HPSE2: variants seen among roughly 807,000 people sequenced by gnomAD.
HPSE2 encodes the protein inactive heparanase-2.
A neutral mutation model predicts 60.5 loss-of-function variants in HPSE2; 38 were observed. The ratio of observed to expected loss-of-function variants is 0.63; its 90% CI spans 0.48 to 0.82. HPSE2 has a LOEUF of 0.82. Ranked by LOEUF, HPSE2 falls within the 40% of genes least tolerant of loss-of-function variation. The pLI is 0.00. For missense variants in HPSE2, 713 were observed against 740.4 expected, an observed-to-expected ratio of 0.96 and a Z score of 0.43; for synonymous variants, 295 against 293.2, an observed-to-expected ratio of 1.01 and a Z score of -0.06.
chr10:98,729,911 C>A (rs1565117917), intron 4 of HPSE2, among the ~76,000 whole-genome samples: 1 of 152,048 alleles, frequency 6.6e-6, no homozygotes, highest in Non-Finnish European at 1.5e-5. Context: ...GACTTCAACA[C>A]TACATTCTTA....
intron 6 of HPSE2, among the ~76,000 whole-genome samples, chr10:98,678,961 C>T (rs1420359132): frequency 6.6e-6 from 1 of 152,094 alleles, no homozygotes; most frequent in East Asian, 1.9e-4. Context: ...AAACCCAGGG[C>T]ATTAGCTCAC....
chr10:98,753,680 G>A lies in HPSE2; in HGVS notation c.611-9624C>T, dbSNP rs145153417. Among the ~76,000 whole-genome samples the A allele has an allele frequency of 6.8e-4, 103 of 152,262 alleles. No homozygotes were observed. In the East Asian group the frequency reaches 0.017, roughly 25 times the overall value. On this transcript the variant is annotated intron_variant, in intron 3 of 11. Transcript: ENST00000370552. The stretch of plus-strand genomic sequence containing the variant: ...CAGCAAGTGCTTAACCTTGGGGGCC[G>A]GAGGACAAAGCCTTGGGCCTGGTAC...
intron 3 of HPSE2, among the ~76,000 whole-genome samples, chr10:99,000,261 A>T (rs1305230575): frequency 1.3e-5 from 2 of 152,114 alleles, no homozygotes; most frequent in African/African-American, 4.8e-5. Context: ...AGAAGTAAGA[A>T]ATTTAGAAGA....
intron 3 of HPSE2, among the ~76,000 whole-genome samples, chr10:99,006,872 A>G (rs1956906686): frequency 6.6e-6 from 1 of 151,098 alleles, no homozygotes; most frequent in African/African-American, 2.4e-5. Context: ...GGGCTGCAGG[A>G]TTCTGTTTTG....
At chr10:99,264,416 C>A in the HPSE2 span, among the ~76,000 whole-genome samples, 8 of 152,114 alleles carry the variant, frequency 5.3e-5, no homozygotes, top group Non-Finnish European at 1.2e-4. Context: ...CCATCTTTAA[C>A]GAACAATTGC....
At chr10:98,899,638 C>T (rs369142114) in intron 3 of HPSE2, among the ~76,000 whole-genome samples, 3 of 151,704 alleles carry the variant, frequency 2.0e-5, no homozygotes, top group African/African-American at 7.3e-5. Context: ...ATTAAAATGG[C>T]TAAAAATAAA....
chr10:98,779,396 C>T (rs946674992), intron 3 of HPSE2, among the ~76,000 whole-genome samples: 3 of 152,028 alleles, frequency 2.0e-5, no homozygotes, highest in African/African-American at 7.2e-5. Context: ...GAGAAAGGAC[C>T]CCTCCCACAT....
rs537275115 is a variant in HPSE2, at chr10:99,153,604, A to C, written c.449-9205T>G. Among the ~76,000 whole-genome samples, 474 of 152,160 alleles carry C rather than the reference A, an allele frequency of 3.1e-3. 1 individual carries two copies. The highest frequency in any genetic ancestry group is 0.011 in the African/African-American group (445 of 41,550). ...ATCCACACCAAAAACCCATCTGTAC[A>C]TCACCATCATCAAAGACCAAAAGTA... On this transcript the variant is annotated intron_variant, in intron 2 of 11. Transcript: ENST00000370552.
At chr10:98,523,377 T>A (rs997545793) in intron 9 of HPSE2, among the ~76,000 whole-genome samples, 5 of 152,180 alleles carry the variant, frequency 3.3e-5, no homozygotes, top group African/African-American at 9.7e-5. Flanking sequence ...AAGAAAACAT[T>A]AGTTGATGAG....
intron 3 of HPSE2, among the ~76,000 whole-genome samples, chr10:99,018,336 G>A (rs1957187762): frequency 6.6e-6 from 1 of 152,148 alleles, no homozygotes; most frequent in East Asian, 1.9e-4. Context: ...TTTCAAGGCT[G>A]CCTAGAAAGA....
chr10:99,165,946 T>C (rs1240272301), intron 2 of HPSE2, among the ~76,000 whole-genome samples: 1 of 152,198 alleles, frequency 6.6e-6, no homozygotes, highest in East Asian at 1.9e-4. Context: ...TACCTTCCAT[T>C]ATCAACCCCT....
rs138154886 is a variant in HPSE2, at chr10:98,820,990, C to A, written c.611-76934G>T. 3.9e-5 allele frequency among the ~76,000 whole-genome samples: 6 copies of A among 152,288 alleles called. No individual in the cohort carries two copies. The East Asian group carries it at 1.2e-3, about 29-fold the overall frequency. On this transcript the variant is annotated intron_variant, in intron 3 of 11. Transcript: ENST00000370552. ...CACTGCAATACTCTTAATCCAGTAA[C>A]CCTCCTTCCCCTACCTGTTGATGAG... is the stretch of plus-strand genomic sequence containing the variant.
At chr10:98,526,754 T>C (rs1942978366) in intron 9 of HPSE2, among the ~76,000 whole-genome samples, 1 of 152,068 alleles carries the variant, frequency 6.6e-6, no homozygotes, top group Non-Finnish European at 1.5e-5. Context: ...AAGCAAATGA[T>C]GGAGAAGGAC....
intron 9 of HPSE2, among the ~76,000 whole-genome samples, chr10:98,573,034 G>A (rs1486153650): frequency 2.6e-5 from 4 of 152,204 alleles, no homozygotes; most frequent in South Asian, 2.1e-4. Context: ...ACAGCATGGT[G>A]TAGCAGAAAG....
intron 3 of HPSE2, among the ~76,000 whole-genome samples, chr10:98,754,602 T>G (rs566194753): frequency 4.0e-5 from 6 of 150,494 alleles, no homozygotes; most frequent in Admixed American, 2.6e-4. Context: ...TAAAAGCAGC[T>G]AGAGAGAAGG....
intron 2 of HPSE2, among the ~76,000 whole-genome samples, chr10:99,160,660 G>A (rs1465088760): frequency 3.3e-5 from 5 of 152,080 alleles, no homozygotes; most frequent in African/African-American, 1.2e-4. Flanking sequence ...AGCACTTTGG[G>A]AGGCCGAGGC....
chr10:98,779,937 T>A lies in HPSE2; in HGVS notation c.611-35881A>T, dbSNP rs714390. On this transcript the variant is annotated intron_variant, in intron 3 of 11. Coordinates refer to ENST00000370552, the MANE Select transcript of HPSE2 (RefSeq NM_021828.5). ...GGGAATTGCCTGATTTCTAAGAGAC[T>A]TGCTAGAGAGCCACACATTAGTTAC... Among the ~76,000 whole-genome samples the A allele has an allele frequency of 5.6e-3, 848 of 152,246 alleles. 4 individuals are homozygous for A. Among genetic ancestry groups the A allele is most frequent in the African/African-American group, 0.019 (802 of 41,556 alleles).
intron 2 of HPSE2, among the ~76,000 whole-genome samples, chr10:99,194,831 A>T (rs1848338629): frequency 6.6e-6 from 1 of 152,062 alleles, no homozygotes; most frequent in Non-Finnish European, 1.5e-5. Context: ...ACTATTACCA[A>T]ACCTACTCAA....
rs146801769 is a variant in HPSE2, at chr10:99,232,672, C to A, written c.291-167G>T. On this transcript the variant is annotated intron_variant, in intron 1 of 11. Coordinates refer to ENST00000370552, the MANE Select transcript of HPSE2 (RefSeq NM_021828.5). Reference sequence around the variant, plus strand: ...ACGCTGGCCCTTGGCCGCTGCCCTGCGCCCCAGCCCGCCCTCACCGCCCGG... The same window carrying A: ...ACGCTGGCCCTTGGCCGCTGCCCTGAGCCCCAGCCCGCCCTCACCGCCCGG... 2.3e-3 allele frequency among the ~76,000 whole-genome samples: 358 copies of A among 152,366 alleles called. 2 individuals carry two copies. Among genetic ancestry groups the A allele is most frequent in the African/African-American group, 8.1e-3 (337 of 41,590 alleles).
Sources: gnomAD v4.1 joint callset for allele counts (sites outside exome capture counted in the v4.1 genomes callset) on GRCh38, gnomAD v4.1.1 for gene constraint, MANE v1.5 for transcripts, NCBI Gene and HGNC (gene_info 2026-07-23, HGNC 2026-07-21) for gene names.